TLL1: variants seen among roughly 807,000 people sequenced by gnomAD.
TLL1 encodes tolloid-like protein 1.
Under a neutral mutation model 128.2 loss-of-function variants are expected in TLL1, and 49 were observed. The observed-to-expected ratio is 0.38, with a 90% CI of 0.30 to 0.48. The LOEUF (loss-of-function observed/expected upper bound fraction) is 0.48, where lower values mean the gene tolerates loss of function less well. TLL1 is among the 20% of genes least tolerant of loss of function. TLL1 has a pLI of 0.96. For missense variants in TLL1, 1,123 were observed against 1,242.0 expected (o/e 0.90, Z 1.44); for synonymous variants, 454 against 418.8 (o/e 1.08, Z -1.03).
At chr4:165,961,893 G>C (rs1735123578) in intron 1 of TLL1, among the ~76,000 whole-genome samples, 1 of 151,988 alleles carries the variant, frequency 6.6e-6, no homozygotes, top group Non-Finnish European at 1.5e-5. Flanking sequence ...TGCAGAAAAA[G>C]CTTTTGATAT....
chr4:165,881,084 G>A (rs533552396), intron 1 of TLL1, among the ~76,000 whole-genome samples: 1 of 152,246 alleles, frequency 6.6e-6, no homozygotes, highest in East Asian at 1.9e-4. Flanking sequence ...GAGGCTTATG[G>A]TATTTTGTGT....
chr4:166,081,977 C>A (rs1362080976), intron 18 of TLL1, among the ~76,000 whole-genome samples: 3 of 152,080 alleles, frequency 2.0e-5, no homozygotes, highest in Non-Finnish European at 4.4e-5. Flanking sequence ...TGCCAATATT[C>A]GACTTGAGAA....
intron 1 of TLL1, among the ~76,000 whole-genome samples, chr4:165,954,235 T>C (rs1561051782): frequency 6.6e-6 from 1 of 152,092 alleles, no homozygotes; most frequent in Non-Finnish European, 1.5e-5. Flanking sequence ...ATTTTAAGAA[T>C]GTTTTGGGGT....
intron 8 of TLL1, among the ~76,000 whole-genome samples, chr4:166,017,102 C>T (rs1303496299): frequency 6.6e-6 from 1 of 152,032 alleles, no homozygotes; most frequent in Non-Finnish European, 1.5e-5. Flanking sequence ...TCCCTCCCCT[C>T]TAGTAGTCCA....
At chr4:166,098,129 T>C (rs1742109930) in intron 19 of TLL1, among the ~76,000 whole-genome samples, 1 of 150,838 alleles carries the variant, frequency 6.6e-6, no homozygotes, top group South Asian at 2.1e-4. Context: ...AGGTCAGGAG[T>C]TCAAGACCAG....
intron 18 of TLL1, among the ~76,000 whole-genome samples, chr4:166,079,125 A>G (rs1741172438): frequency 6.6e-6 from 1 of 152,140 alleles, no homozygotes; most frequent in Non-Finnish European, 1.5e-5. Context: ...AAATGACAGC[A>G]CTAGAGGAAC....
chr4:166,062,697 G>C (rs878895127), intron 15 of TLL1, among the ~76,000 whole-genome samples: 1 of 152,044 alleles, frequency 6.6e-6, no homozygotes, highest in African/African-American at 2.4e-5. Flanking sequence ...TTTCCTAATT[G>C]AATACCCTTT....
At chr4:166,043,460 T>C in intron 12 of TLL1, 41 bp downstream of exon 12, 1 of 1,613,042 alleles carries the variant, frequency 6.2e-7, no homozygotes, top group Non-Finnish European at 8.5e-7. Context: ...ATATTCTCCA[T>C]AAACGACAAT....
At chr4:166,092,452 T>C (rs924815986) in intron 19 of TLL1, among the ~76,000 whole-genome samples, 5 of 152,044 alleles carry the variant, frequency 3.3e-5, no homozygotes, top group African/African-American at 1.2e-4. Context: ...ATAAATATTA[T>C]GGCATGAGGA....
rs563213770 is a variant in TLL1 at position 166,062,792 on chromosome 4, G to A, written c.2007+2604G>A. Among the ~76,000 whole-genome samples the A allele has an allele frequency of 4.3e-4, 66 of 152,262 alleles. 1 individual carries two copies. Among genetic ancestry groups the A allele is most frequent in the African/African-American group, 1.5e-3 (64 of 41,562 alleles). ...TGGTGAGAGAGGGCATCCCTGTCTT[G>A]TGCCAGTTTTCAAAGGGAATGCCTC... On this transcript the variant is annotated intron_variant, in intron 15 of 20. Transcript: ENST00000061240.
intron 1 of TLL1, among the ~76,000 whole-genome samples, chr4:165,891,670 C>T (rs1338259419): frequency 1.3e-5 from 2 of 152,210 alleles, no homozygotes; most frequent in Non-Finnish European, 2.9e-5. Flanking sequence ...TCAGCCTGGA[C>T]TTCATTGTCC....
chr4:165,969,725 A>G (rs1447761634), intron 1 of TLL1, among the ~76,000 whole-genome samples: 3 of 152,130 alleles, frequency 2.0e-5, no homozygotes, highest in Non-Finnish European at 4.4e-5. Context: ...AGCATTCTTG[A>G]TGTCATGAAA....
chr4:165,994,346 TTC>T (rs1560797383), intron 3 of TLL1, 33 bp from the exon 4 acceptor site: 6 of 1,613,666 alleles, frequency 3.7e-6, no homozygotes, highest in Non-Finnish European at 4.2e-6. Context: ...GACCAAGAAC[TTC>T]TGTTTCACAG....
intron 8 of TLL1, among the ~76,000 whole-genome samples, chr4:166,017,426 C>T (rs1025336897): frequency 6.6e-6 from 1 of 151,948 alleles, no homozygotes; most frequent in East Asian, 1.9e-4. Flanking sequence ...TTCGGTGGTA[C>T]GATTTATTTT....
intron 12 of TLL1, chr4:166,044,280 C>A: frequency 8.6e-7 from 1 of 1,168,322 alleles, no homozygotes; most frequent in Non-Finnish European, 1.2e-6. Context: ...ATGAGCCCTA[C>A]TACCCAGTGG....
chr4:166,093,913 T>C (rs998251194), intron 19 of TLL1, among the ~76,000 whole-genome samples: 6 of 152,160 alleles, frequency 3.9e-5, no homozygotes, highest in African/African-American at 1.4e-4. Flanking sequence ...CATATGTTTT[T>C]GTGAGCTCAA....
rs181335614 is a variant in TLL1, at chr4:166,047,309, C to T, written c.1524+3890C>T. Among the ~76,000 whole-genome samples, 535 of 151,566 alleles carry T rather than the reference C, an allele frequency of 3.5e-3. 6 individuals carry two copies. The highest frequency in any genetic ancestry group is 0.01 in the African/African-American group (431 of 41,388). On this transcript the variant is annotated intron_variant, in intron 12 of 20. Transcript: ENST00000061240. ...CCTCCCGAGTAGCTGGGACTACAGG[C>T]GTGTGCCACTGTGCCTGGCTAATTT...
intron 1 of TLL1, among the ~76,000 whole-genome samples, chr4:165,881,735 A>G (rs60574539): frequency 0.012 from 1,815 of 152,302 alleles, 35 homozygotes; most frequent in African/African-American, 0.041. Context: ...AGGATTAGAG[A>G]CATGTTTGAG....
intron 9 of TLL1, among the ~76,000 whole-genome samples, chr4:166,038,004 C>A (rs75466859): frequency 0.074 from 11,189 of 152,002 alleles, 683 homozygotes; most frequent in African/African-American, 0.16. Context: ...ATGAGATGCC[C>A]TGAGAAATAT....
Sources: allele counts gnomAD v4.1 joint callset (sites outside exome capture counted in the v4.1 genomes callset), GRCh38; gene constraint gnomAD v4.1.1; transcripts MANE v1.5; gene names NCBI Gene and HGNC (gene_info 2026-07-23, HGNC 2026-07-21).